DNAH6: variants seen among roughly 807,000 people sequenced by gnomAD.
DNAH6 encodes the protein dynein axonemal heavy chain 6, also known as axonemal beta dynein heavy chain 6.
Under a neutral mutation model 491.4 loss-of-function variants are expected in DNAH6, and 340 were observed. The observed-to-expected ratio is 0.69, with a 90% CI of 0.63 to 0.76. The LOEUF (loss-of-function observed/expected upper bound fraction) is 0.76, where lower values mean the gene tolerates loss of function less well. DNAH6 is among the 30% of genes least tolerant of loss of function. The pLI is 0.00. For synonymous variants in DNAH6, 1,603 were observed against 1,686.1 expected (o/e 0.95, Z 1.21); for missense variants, 4,443 against 4,972.2 (o/e 0.89, Z 3.20).
chr2:84,766,076 G>A (rs1675048281), intron 64 of DNAH6, among the ~76,000 whole-genome samples: 1 of 152,032 alleles, frequency 6.6e-6, no homozygotes, highest in African/African-American at 2.4e-5. Context: ...AAGCAAAAAT[G>A]GAGAAATTTA....
intron 11 of DNAH6, among the ~76,000 whole-genome samples, chr2:84,567,146 T>C (rs1296846089): frequency 6.6e-6 from 1 of 152,108 alleles, no homozygotes; most frequent in Non-Finnish European, 1.5e-5. Context: ...AATGAAAAAT[T>C]GTAAACAAAG....
At chr2:84,786,326 T>C (rs1677183720) in intron 67 of DNAH6, among the ~76,000 whole-genome samples, 1 of 150,108 alleles carries the variant, frequency 6.7e-6, no homozygotes, top group African/African-American at 2.5e-5. Context: ...CTCAGGAGGC[T>C]GAGGTGGGAG....
chr2:84,800,214 A>G (rs549081101), intron 70 of DNAH6, among the ~76,000 whole-genome samples: 1 of 152,322 alleles, frequency 6.6e-6, no homozygotes, highest in Admixed American at 6.5e-5. Flanking sequence ...CATACACCAC[A>G]GTCATATCCT....
rs1321607299 is a variant in DNAH6, at chr2:84,706,991, C to G, written c.8823C>G (p.Asp2941Glu). The change falls in exon 53 of 77, where the codon GAC becomes GAG. Residue 2941 changes from aspartate to glutamate, a missense_variant. By Grantham distance (45) the Asp-to-Glu change is conservative. Around this residue, in one of 3 missense-constraint regions of DNAH6, gnomAD observed 1,463 missense variants for 1,656.6 expected, o/e 0.88. Coordinates refer to ENST00000389394, the MANE Select transcript of DNAH6 (RefSeq NM_001370.2). ...TACAGGCCTTACAAGATGAATATGA[C>G]AAAGGTGTAAATGAAAAAGAAAGCC... is the stretch of plus-strand genomic sequence containing the variant. ...DQIQALQDEY[D>E]KGVNEKESLA... 2 of 1,527,102 alleles carry G rather than the reference C, an allele frequency of 1.3e-6. No individual in the cohort carries two copies. The highest frequency in any genetic ancestry group is 1.8e-6 in the Non-Finnish European group (2 of 1,141,486). 94.6% of individuals were successfully genotyped at this position (1,527,102 alleles called of 1,614,324 possible). A position where few individuals can be genotyped will look rare whatever the true frequency, so the allele number is the denominator to read the frequency against.
Position 84,699,699 on chromosome 2 carries a change from C to G in DNAH6, c.7783C>G (p.Leu2595Val). Residue 2595 changes from leucine to valine, a missense_variant, in exon 48 of 77, where the codon CTT becomes GTT. Coordinates refer to ENST00000389394, the MANE Select transcript of DNAH6 (RefSeq NM_001370.2). ...GTCCCGATGCAGGATGTTTCCATCC[C>G]TTGTGAATTGCTGCACCATTGACTG... ...FRSRCRMFPS[L>V]VNCCTIDWFV... 6.4e-7 allele frequency: 1 copy of G among 1,551,664 alleles called. No individual in the cohort carries two copies. Among genetic ancestry groups the G allele is most frequent in the Non-Finnish European group, 8.7e-7 (1 of 1,146,974 alleles).
rs778498072 is a variant in DNAH6 at position 84,813,015 on chromosome 2, C to T, written c.11926-43C>T. On this transcript the variant is annotated intron_variant, in intron 73 of 76. Transcript: ENST00000389394. ...GGACTTTGCTTTAGAAAACAAATTC[C>T]ATCCCAGAAATAACGTTTATTATGA... 9.3e-6 allele frequency: 14 copies of T among 1,500,934 alleles called. No individual in the cohort carries two copies. The Admixed American group carries it at 1.8e-4, about 19-fold the overall frequency. The allele number at this position is 1,500,934 out of a possible 1,614,324, so 93.0% of individuals were successfully genotyped here. A position where few individuals can be genotyped will look rare whatever the true frequency, so the allele number is the denominator to read the frequency against.
At chr2:84,670,269 C>A in intron 38 of DNAH6, 59 bp from the exon 39 acceptor site, 1 of 1,194,282 alleles carries the variant, frequency 8.4e-7, no homozygotes, top group Non-Finnish European at 1.2e-6. Flanking sequence ...CAAACTATTA[C>A]AGATATAACT....
intron 33 of DNAH6, among the ~76,000 whole-genome samples, chr2:84,646,627 G>A (rs1428833847): frequency 1.3e-5 from 2 of 152,170 alleles, no homozygotes; most frequent in Non-Finnish European, 2.9e-5. Flanking sequence ...AGTTTTAGTG[G>A]TCTGGATAAA....
chr2:84,594,138 A>C (rs1684358122), intron 17 of DNAH6, 53 bp downstream of exon 17: 1 of 975,360 alleles, frequency 1.0e-6, no homozygotes, highest in African/African-American at 1.7e-5. Flanking sequence ...AATTAATCTT[A>C]AAATTCTAAT....
chr2:84,676,506 A>G (rs1693246346), intron 40 of DNAH6, among the ~76,000 whole-genome samples: 1 of 152,204 alleles, frequency 6.6e-6, no homozygotes, highest in Non-Finnish European at 1.5e-5. Context: ...TCAACAATAT[A>G]AAATAAGGCA....
intron 33 of DNAH6, among the ~76,000 whole-genome samples, chr2:84,652,973 T>A (rs1690592695): frequency 6.6e-6 from 1 of 151,892 alleles, no homozygotes; most frequent in African/African-American, 2.4e-5. Flanking sequence ...TATTTTATAA[T>A]TTTTTTAATA....
intron 31 of DNAH6, among the ~76,000 whole-genome samples, chr2:84,640,179 C>G (rs1432660134): frequency 2.2e-4 from 34 of 152,004 alleles, no homozygotes; most frequent in Non-Finnish European, 1.8e-4. Flanking sequence ...AACCAAATGT[C>G]CCCAAAGCTA....
chr2:84,476,601 A>G, the DNAH6 span, among the ~76,000 whole-genome samples: 2 of 152,132 alleles, frequency 1.3e-5, no homozygotes, highest in African/African-American at 2.4e-5. Flanking sequence ...AATCTGCCTC[A>G]TCATCTGTTT....
At chr2:84,535,684 A>C (rs1677620286) in intron 4 of DNAH6, among the ~76,000 whole-genome samples, 1 of 112,286 alleles carries the variant, frequency 8.9e-6, no homozygotes, top group Non-Finnish European at 1.6e-5. Flanking sequence ...CCAGAAAAGC[A>C]AAAAAAAAAA....
intron 67 of DNAH6, among the ~76,000 whole-genome samples, chr2:84,786,404 G>A: frequency 7.2e-6 from 1 of 138,558 alleles, no homozygotes; most frequent in Admixed American, 7.8e-5. Flanking sequence ...TAGCCTGGGT[G>A]ACAGAGAAAG....
At chr2:84,516,886 C>A (rs1272390624) in intron 1 of DNAH6, among the ~76,000 whole-genome samples, 1 of 152,152 alleles carries the variant, frequency 6.6e-6, no homozygotes, top group Non-Finnish European at 1.5e-5. Context: ...AAAAAGCACA[C>A]TGGATTTTGA....
intron 54 of DNAH6, 112 bp from the exon 55 acceptor site, chr2:84,709,231 G>A (rs1696810219): frequency 9.3e-7 from 1 of 1,070,186 alleles, no homozygotes; most frequent in African/African-American, 1.6e-5. Flanking sequence ...GTGGAGACTG[G>A]GAGGGCTTAG....
intron 66 of DNAH6, among the ~76,000 whole-genome samples, chr2:84,785,060 T>C (rs1461543158): frequency 6.6e-6 from 1 of 152,146 alleles, no homozygotes; most frequent in Non-Finnish European, 1.5e-5. Context: ...ATGTTAAGGG[T>C]ACAGAGTGAT....
At position 84,538,212 on chromosome 2, in the gene DNAH6, G is replaced by A. The variant is rs144116925; in HGVS notation, c.663-6021G>A. ...CTCCTGCATTTGTGTCACACACACT[G>A]TGTTAGGCATTGTGCCAAGTGCTTT... On this transcript the variant is annotated intron_variant, in intron 4 of 76. Transcript: ENST00000389394. Among the ~76,000 whole-genome samples, 1,200 of 152,204 alleles carry A rather than the reference G, an allele frequency of 7.9e-3. 8 individuals carry two copies. Among genetic ancestry groups the A allele is most frequent in the Middle Eastern group, 0.017 (5 of 294 alleles).
Sources: allele counts gnomAD v4.1 joint callset (sites outside exome capture counted in the v4.1 genomes callset), GRCh38; gene constraint gnomAD v4.1.1; regional missense constraint gnomAD v4.1.1; transcripts MANE v1.5; gene names NCBI Gene and HGNC (gene_info 2026-07-23, HGNC 2026-07-21).